ANKEF1: variants seen among roughly 807,000 people sequenced by gnomAD.
The protein encoded by ANKEF1 is ankyrin repeat and EF-hand domain-containing protein 1.
Under a neutral mutation model 65.1 loss-of-function variants are expected in ANKEF1, and 43 were observed. That is an observed-to-expected ratio of 0.66 (90% CI 0.52 to 0.85). The LOEUF is 0.85. Among genes scored for constraint, ANKEF1 ranks in the 40% least tolerant of loss-of-function variants. The pLI is 0.00. For missense variants in ANKEF1, 934 were observed against 952.9 expected (o/e 0.98, Z 0.26); for synonymous variants, 316 against 341.5 (o/e 0.93, Z 0.82).
intron 6 of ANKEF1, 71 bp from the exon 7 acceptor site, chr20:10,049,315 CAGTT>C (rs1984693522): frequency 7.5e-7 from 1 of 1,339,786 alleles, no homozygotes; most frequent in African/African-American, 1.5e-5. Flanking sequence ...ATTAAGAAAA[CAGTT>C]GGATGAGTGT....
chr20:10,058,244 A>G lies in ANKEF1; in HGVS notation c.*2584A>G, dbSNP rs1985271647. ...TCCTGTTGCTATTGTGTTGAGTTCA[A>G]TTGTTGTCTTTTCTCAAGCTTACTT... On this transcript the variant is annotated 3_prime_UTR_variant, in exon 11 of 11. Transcript: ENST00000378392. 6 of 152,184 alleles carry G rather than the reference A, an allele frequency of 3.9e-5. No individual in the cohort carries two copies. Among genetic ancestry groups the G allele is most frequent in the Admixed American group, 3.9e-4 (6 of 15,270 alleles). 9.4% of individuals were successfully genotyped at this position (152,184 alleles called of 1,614,324 possible).
Position 10,056,294 on chromosome 20 carries a change from CCCTAGATAGATAGCCCTAG to C in ANKEF1, c.*637_*655del. On this transcript the variant is annotated 3_prime_UTR_variant, in exon 11 of 11. Coordinates refer to ENST00000378392, the MANE Select transcript of ANKEF1 (RefSeq NM_022096.6). ...AACAGCCCTAGATCGATAGCCCTAG[CCCTAGATAGATAGCCCTAG>C]CCCTAGATAGATAGCTATTAGGTTG... 1.8e-5 allele frequency: 1 copy of C among 54,964 alleles called. No individual in the cohort carries two copies. The highest frequency in any genetic ancestry group is 4.9e-5 in the Non-Finnish European group (1 of 20,502). 3.4% of individuals were successfully genotyped at this position (54,964 alleles called of 1,614,324 possible). A position where few individuals can be genotyped will look rare whatever the true frequency, so the allele number is the denominator to read the frequency against.
At chr20:10,045,523 T>C (rs1320851550) in intron 5 of ANKEF1, 51 bp from the exon 6 acceptor site, 2 of 1,587,336 alleles carry the variant, frequency 1.3e-6, no homozygotes. Context: ...AGTCTTTATA[T>C]AGTAAATGTA....
chr20:10,046,620 A>G (rs1403356925), intron 6 of ANKEF1, among the ~76,000 whole-genome samples: 1 of 152,140 alleles, frequency 6.6e-6, no homozygotes, highest in Non-Finnish European at 1.5e-5. Flanking sequence ...TTTTTTGTTA[A>G]TTACATGCTA....
chr20:10,051,270 T>C (rs1335052878), intron 7 of ANKEF1, among the ~76,000 whole-genome samples: 2 of 152,220 alleles, frequency 1.3e-5, no homozygotes, highest in Non-Finnish European at 2.9e-5. Flanking sequence ...ACAGTGAATT[T>C]CTAAAAAGGA....
At position 10,049,672 on chromosome 20, in the gene ANKEF1, A is replaced by T. The variant is rs1322175326; in HGVS notation, c.1103A>T (p.Asp368Val). The change falls in exon 7 of 11, where the codon GAT becomes GTT. Residue 368 changes from aspartate to valine, a missense_variant. Coordinates refer to ENST00000378392, the MANE Select transcript of ANKEF1 (RefSeq NM_022096.6). ...DFVMVLEERQ[D>V]YASSEQLAAI... ...GTGATGGTGTTGGAGGAAAGGCAGG[A>T]TTATGCAAGCTCAGAACAGCTGGCT... 2 of 1,614,148 alleles carry T rather than the reference A, an allele frequency of 1.2e-6. No homozygotes were observed. Among genetic ancestry groups the T allele is most frequent in the Admixed American group, 3.3e-5 (2 of 60,020 alleles).
intron 6 of ANKEF1, among the ~76,000 whole-genome samples, chr20:10,048,552 A>G (rs1046953976): frequency 4.6e-5 from 7 of 152,140 alleles, no homozygotes; most frequent in African/African-American, 1.7e-4. Context: ...AATTTTTGGC[A>G]ATACTAAGGA....
rs1481710329 is a variant in ANKEF1 at position 10,053,175 on chromosome 20, A to C, written c.1934A>C (p.Glu645Ala). 2 of 1,613,590 alleles carry C rather than the reference A, an allele frequency of 1.2e-6. No individual in the cohort carries two copies. Among genetic ancestry groups the C allele is most frequent in the Non-Finnish European group, 1.7e-6 (2 of 1,179,750 alleles). Reference protein sequence around the residue: ...ADYRIIDLIKEKLDNLPKPAE... With the variant: ...ADYRIIDLIKAKLDNLPKPAE... ...TATAGAATAATTGATCTGATTAAAG[A>C]AAAGCTAGATAACTTGCCGAAACCA... The change falls in exon 9 of 11, where the codon GAA becomes GCA. Residue 645 changes from glutamate to alanine, a missense_variant. Transcript: ENST00000378392.
rs368263204 is a variant in ANKEF1 at position 10,038,477 on chromosome 20, A to G, written c.176A>G (p.Asn59Ser). ...LSALHLASVSNDIDMVSFLLD... is the reference protein window; with the variant it reads ...LSALHLASVSSDIDMVSFLLD... ...GCTTTGCACTTAGCCTCAGTTTCCA[A>G]TGATATTGATATGGTCAGCTTTCTC... The change falls in exon 3 of 11, where the codon AAT (asparagine) becomes AGT (serine). Residue 59 changes from asparagine to serine, a missense_variant. Asn to Ser is a conservative substitution (Grantham distance 46). Coordinates refer to ENST00000378392, the MANE Select transcript of ANKEF1 (RefSeq NM_022096.6). 1.2e-6 allele frequency: 2 copies of G among 1,614,092 alleles called. No homozygotes were observed. The highest frequency in any genetic ancestry group is 1.3e-5 in the African/African-American group (1 of 74,940).
chr20:10,047,084 C>T (rs934320711), intron 6 of ANKEF1, among the ~76,000 whole-genome samples: 36 of 152,136 alleles, frequency 2.4e-4, no homozygotes, highest in African/African-American at 7.5e-4. Flanking sequence ...CAAGTTGAGA[C>T]GAATTTCTTT....
At position 10,049,477 on chromosome 20, in the gene ANKEF1, T is replaced by C. The variant is rs1984707399; in HGVS notation, c.908T>C (p.Ile303Thr). ...GGCTTCAAAGCAGCAAGCAAAGAAA[T>C]ACGCCGAGCAGAGAGAATCGCTAAT... ...EGGFKAASKEIRRAERIANKL... is the reference protein window; with the variant it reads ...EGGFKAASKETRRAERIANKL... Residue 303 changes from isoleucine to threonine, a missense_variant, in exon 7 of 11, where the codon ATA becomes ACA. Coordinates refer to ENST00000378392, the MANE Select transcript of ANKEF1 (RefSeq NM_022096.6). 1 of 1,614,082 alleles carries C rather than the reference T, an allele frequency of 6.2e-7. No individual in the cohort carries two copies. Among genetic ancestry groups the C allele is most frequent in the African/African-American group, 1.3e-5 (1 of 75,018 alleles).
chr20:10,057,886 CTTGTTTGTTTGT>C lies in ANKEF1; in HGVS notation c.*2241_*2252del, dbSNP rs80331639. ...TTTTAGTTTAGAACAACCTGTATTTCTTGTTTGTTTGTTTGTTTGTTTGTTTATGACAGTATA... is the reference window on the plus strand; with the variant it reads ...TTTTAGTTTAGAACAACCTGTATTTCTTGTTTGTTTGTTTATGACAGTATA... On this transcript the variant is annotated 3_prime_UTR_variant, in exon 11 of 11. Transcript: ENST00000378392. 3 of 151,328 alleles carry C rather than the reference CTTGTTTGTTTGT, an allele frequency of 2.0e-5. No homozygotes were observed. The highest frequency in any genetic ancestry group is 4.4e-5 in the Non-Finnish European group (3 of 67,762). The allele number at this position is 151,328 out of a possible 1,614,324, so 9.4% of individuals were successfully genotyped here.
rs77817020 is a variant in ANKEF1 at position 10,048,699 on chromosome 20, G to T, written c.821-691G>T. ...ATGTTCAAAAAAGTTTATTTCTTTG[G>T]TGAATATTTATAAATGATGTTGGAA... On this transcript the variant is annotated intron_variant, in intron 6 of 10. Coordinates refer to ENST00000378392, the MANE Select transcript of ANKEF1 (RefSeq NM_022096.6). 3.5e-3 allele frequency among the ~76,000 whole-genome samples: 531 copies of T among 152,148 alleles called. 4 individuals are homozygous for T. The highest frequency in any genetic ancestry group is 0.017 in the Middle Eastern group (5 of 294).
Position 10,054,527 on chromosome 20 carries a change from T to A in ANKEF1, c.2100T>A (p.Asn700Lys). The A allele has an allele frequency of 6.2e-7, 1 of 1,609,096 alleles. No individual in the cohort carries two copies. The highest frequency in any genetic ancestry group is 8.5e-7 in the Non-Finnish European group (1 of 1,177,600). ...AGGGAAAGAAAGTACAGAAGGGTAA[T>A]GTGGTTCATCTGAATTCATTGATTA... The part of the protein sequence containing the change: ...TSEGKKVQKG[N>K]VVHLNSLITS... Residue 700 changes from asparagine to lysine, a missense_variant, in exon 10 of 11, where the codon AAT becomes AAA. Transcript: ENST00000378392.
chr20:10,053,369 A>C, intron 9 of ANKEF1, 94 bp downstream of exon 9: 1 of 1,136,002 alleles, frequency 8.8e-7, no homozygotes. Flanking sequence ...TTGTTATACA[A>C]CATGGGTAAG....
chr20:10,057,117 G>A lies in ANKEF1; in HGVS notation c.*1457G>A, dbSNP rs1331986208. 1 of 152,190 alleles carries A rather than the reference G, an allele frequency of 6.6e-6. No individual in the cohort carries two copies. Among genetic ancestry groups the A allele is most frequent in the African/African-American group, 2.4e-5 (1 of 41,448 alleles). 9.4% of individuals were successfully genotyped at this position (152,190 alleles called of 1,614,324 possible). On this transcript the variant is annotated 3_prime_UTR_variant, in exon 11 of 11. Transcript: ENST00000378392. The stretch of plus-strand genomic sequence containing the variant: ...CACTTTAGAATCTGCCTTACCAGAA[G>A]GCACCAATTGCAGATTACAGCTCTG...
At chr20:10,054,325 T>G in intron 9 of ANKEF1, 137 bp from the exon 10 acceptor site, 1 of 646,300 alleles carries the variant, frequency 1.5e-6, no homozygotes, top group South Asian at 3.1e-5. Flanking sequence ...AATATACTAT[T>G]TTATCTCAAA....
intron 7 of ANKEF1, among the ~76,000 whole-genome samples, chr20:10,050,958 A>C (rs144246697): frequency 1.9e-4 from 29 of 152,330 alleles, no homozygotes; most frequent in African/African-American, 7.0e-4. Context: ...ATAATACTTA[A>C]CTTTTTAGAC....
intron 3 of ANKEF1, chr20:10,040,661 C>G (rs1984130703): frequency 6.6e-6 from 1 of 152,172 alleles, no homozygotes. Flanking sequence ...TATGCCAGTT[C>G]TATGATAAGG....
Sources: allele counts gnomAD v4.1 joint callset (sites outside exome capture counted in the v4.1 genomes callset), GRCh38; gene constraint gnomAD v4.1.1; transcripts MANE v1.5; gene names NCBI Gene and HGNC (gene_info 2026-07-23, HGNC 2026-07-21).